The following RBM46 variants were observed in gnomAD, a reference collection of about 807,000 sequenced individuals.
RBM46 encodes the protein probable RNA-binding protein 46.
A neutral mutation model predicts 43.3 loss-of-function variants in RBM46; 12 were observed. The observed-to-expected ratio is 0.28, with a 90% CI of 0.18 to 0.45. The LOEUF is 0.45. RBM46 is among the 20% of genes least tolerant of loss of function. RBM46 has a pLI of 1.00. For missense variants in RBM46, 412 were observed against 639.1 expected (o/e 0.64, Z 3.83); for synonymous variants, 205 against 207.6 (o/e 0.99, Z 0.11).
At chr4:154,826,458 CAAAT>C (rs1250144364) in intron 4 of RBM46, among the ~76,000 whole-genome samples, 1 of 151,986 alleles carries the variant, frequency 6.6e-6, no homozygotes, top group Non-Finnish European at 1.5e-5. Flanking sequence ...AACTCTGTCT[CAAAT>C]AAATAAATAA....
At chr4:154,786,599 G>A (rs1009841009) in intron 1 of RBM46, among the ~76,000 whole-genome samples, 2 of 150,812 alleles carry the variant, frequency 1.3e-5, no homozygotes, top group South Asian at 2.1e-4. Flanking sequence ...TTTAATAAAT[G>A]TGTGAGGATA....
chr4:154,823,240 C>T (rs531200082), intron 4 of RBM46, among the ~76,000 whole-genome samples: 1 of 151,896 alleles, frequency 6.6e-6, no homozygotes, highest in Admixed American at 6.6e-5. Flanking sequence ...CTAGTAGTTG[C>T]TGGGGCTGAG....
chr4:154,812,052 A>G (rs559146207), intron 4 of RBM46, among the ~76,000 whole-genome samples: 2 of 146,328 alleles, frequency 1.4e-5, no homozygotes, highest in East Asian at 4.0e-4. Flanking sequence ...AGGCTTCAGT[A>G]TGTTAAATAA....
intron 4 of RBM46, among the ~76,000 whole-genome samples, chr4:154,815,327 G>T (rs1476445488): frequency 1.3e-5 from 2 of 151,900 alleles, no homozygotes; most frequent in African/African-American, 2.4e-5. Context: ...ACACATTCCT[G>T]TTGAATATAT....
chr4:154,815,809 G>A (rs377755274), intron 4 of RBM46, among the ~76,000 whole-genome samples: 8 of 151,928 alleles, frequency 5.3e-5, no homozygotes, highest in Non-Finnish European at 7.4e-5. Flanking sequence ...AATCTTACTT[G>A]TGCCATTTGC....
rs2111066159 is a variant in RBM46, at chr4:154,781,412, G to A, written c.-36G>A. ...TTGGTCGTTGGGCCCCGGGATTTAG[G>A]ACCAACATTTGAAGACCCGAAGGGG... On this transcript the variant is annotated 5_prime_UTR_variant, in exon 1 of 5. Transcript: ENST00000281722. 1 of 152,406 alleles carries A rather than the reference G, an allele frequency of 6.6e-6. No individual in the cohort carries two copies. The highest frequency in any genetic ancestry group is 2.1e-4 in the South Asian group (1 of 4,826). The allele number at this position is 152,406 out of a possible 1,614,324, so 9.4% of individuals were successfully genotyped here.
At chr4:154,782,946 G>A (rs1733572572) in intron 1 of RBM46, among the ~76,000 whole-genome samples, 1 of 152,266 alleles carries the variant, frequency 6.6e-6, no homozygotes, top group South Asian at 2.1e-4. Context: ...AGATATTTTC[G>A]TTTCAAGAAT....
chr4:154,791,729 T>TA (rs1373083990), intron 1 of RBM46, among the ~76,000 whole-genome samples: 1 of 152,154 alleles, frequency 6.6e-6, no homozygotes. Flanking sequence ...TTTGTAAGAA[T>TA]AAAAAATAAG....
chr4:154,826,967 A>G (rs1184410483), intron 4 of RBM46: 18 of 1,299,534 alleles, frequency 1.4e-5, no homozygotes, highest in Non-Finnish European at 1.7e-5. Flanking sequence ...TAGAAACACC[A>G]TAATGTTTCT....
At chr4:154,787,764 C>G (rs867528241) in intron 1 of RBM46, among the ~76,000 whole-genome samples, 36 of 152,204 alleles carry the variant, frequency 2.4e-4, no homozygotes, top group African/African-American at 8.7e-4. Context: ...ACCACACTGT[C>G]TTCCACAATG....
intron 1 of RBM46, among the ~76,000 whole-genome samples, chr4:154,788,624 T>C (rs1455105716): frequency 1.3e-5 from 2 of 152,226 alleles, no homozygotes; most frequent in Non-Finnish European, 1.5e-5. Context: ...GCGTGGTGCG[T>C]CCAGCTTTGT....
At chr4:154,797,010 C>T (rs1296509181) in intron 2 of RBM46, 107 bp downstream of exon 2, 11 of 842,240 alleles carry the variant, frequency 1.3e-5, no homozygotes, top group Admixed American at 3.4e-5. Flanking sequence ...CTTGTAACTG[C>T]TTTAAGACAT....
rs765856603 is a variant in RBM46, at chr4:154,799,491, C to A, written c.1329C>A (p.Phe443Leu). The A allele has an allele frequency of 1.2e-6, 2 of 1,612,538 alleles. No homozygotes were observed. The highest frequency in any genetic ancestry group is 1.7e-6 in the Non-Finnish European group (2 of 1,179,340). The change falls in exon 4 of 5, where the codon TTC becomes TTA. Residue 443 changes from phenylalanine (F) to leucine (L), a missense_variant. By Grantham distance (22) the Phe-to-Leu change is conservative (BLOSUM62 0). Around this residue, in one of 8 missense-constraint regions of RBM46, gnomAD observed 149 missense variants for 156.3 expected, o/e 0.95. Transcript: ENST00000281722. ...PAIANGSQSY[F>L]MPDKLCTTLE... ...TTGCAAATGGATCCCAGAGTTACTT[C>A]ATGCCAGACAAACTCTGTACTACGT...
chr4:154,816,253 G>T (rs944901094), intron 4 of RBM46, among the ~76,000 whole-genome samples: 3 of 151,928 alleles, frequency 2.0e-5, no homozygotes, highest in Non-Finnish European at 2.9e-5. Flanking sequence ...GAATCAGTTT[G>T]TAACTTTATA....
intron 1 of RBM46, among the ~76,000 whole-genome samples, chr4:154,788,744 GA>G (rs1167070033): frequency 6.6e-6 from 1 of 152,134 alleles, no homozygotes; most frequent in Non-Finnish European, 1.5e-5. Context: ...GCTTGATGGG[GA>G]TGGCATTGAA....
At chr4:154,817,191 T>G (rs1042473109) in intron 4 of RBM46, among the ~76,000 whole-genome samples, 6 of 152,136 alleles carry the variant, frequency 3.9e-5, no homozygotes, top group African/African-American at 1.4e-4. Flanking sequence ...TATATAAGAT[T>G]GGTGTTACAT....
intron 4 of RBM46, among the ~76,000 whole-genome samples, chr4:154,823,121 C>T (rs1402410693): frequency 2.0e-5 from 3 of 151,776 alleles, no homozygotes; most frequent in Non-Finnish European, 3.0e-5. Flanking sequence ...CTGATACATG[C>T]TACAACATGT....
At chr4:154,817,578 C>T (rs1048911295) in intron 4 of RBM46, among the ~76,000 whole-genome samples, 10 of 151,972 alleles carry the variant, frequency 6.6e-5, no homozygotes, top group African/African-American at 1.4e-4. Flanking sequence ...GTGATGTGCC[C>T]GCCTTGGCCT....
At chr4:154,795,777 C>T (rs1050735711) in intron 1 of RBM46, among the ~76,000 whole-genome samples, 1 of 152,044 alleles carries the variant, frequency 6.6e-6, no homozygotes, top group African/African-American at 2.4e-5. Context: ...AAAGTTGGAA[C>T]AGCATTTAGG....
Sources: allele counts gnomAD v4.1 joint callset (sites outside exome capture counted in the v4.1 genomes callset), GRCh38; gene constraint gnomAD v4.1.1; regional missense constraint gnomAD v4.1.1; transcripts MANE v1.5; gene names NCBI Gene and HGNC (gene_info 2026-07-23, HGNC 2026-07-21).